OSBP2: variants seen among roughly 807,000 people sequenced by gnomAD.
OSBP2 encodes oxysterol-binding protein 2.
In OSBP2, 66 loss-of-function variants were observed where a neutral mutation model predicts 96.0. The observed-to-expected ratio is 0.69, with a 90% CI of 0.56 to 0.84. The LOEUF (loss-of-function observed/expected upper bound fraction) is 0.84, where lower values mean the gene tolerates loss of function less well. Among genes scored for constraint, OSBP2 ranks in the 40% least tolerant of loss-of-function variants. The probability of loss-of-function intolerance (pLI) is 0.00; values close to 1 mark genes in which losing one functional copy is unlikely to be tolerated. For missense variants in OSBP2, 1,038 were observed against 1,222.7 expected, an observed-to-expected ratio of 0.85 and a Z score of 2.25; for synonymous variants, 525 against 520.9, an observed-to-expected ratio of 1.01 and a Z score of -0.11.
intron 2 of OSBP2, among the ~76,000 whole-genome samples, chr22:30,868,153 G>T (rs2039384141): frequency 1.3e-5 from 2 of 152,250 alleles, no homozygotes; most frequent in Admixed American, 6.5e-5. Flanking sequence ...CTGGCACCCG[G>T]AAAGGTGTGG....
At chr22:30,724,777 G>A (rs545270527) in intron 1 of OSBP2, among the ~76,000 whole-genome samples, 1 of 152,274 alleles carries the variant, frequency 6.6e-6, no homozygotes, top group Non-Finnish European at 1.5e-5. Context: ...GCTTTAGCTT[G>A]TGAACTGTGC....
intron 2 of OSBP2, among the ~76,000 whole-genome samples, chr22:30,794,262 ATTT>A (rs136291): frequency 1.5e-5 from 2 of 134,890 alleles, no homozygotes. Context: ...TCCTCTATTC[ATTT>A]TTTTTTTTTT....
intron 12 of OSBP2, among the ~76,000 whole-genome samples, chr22:30,897,546 A>G (rs2040091976): frequency 6.6e-6 from 1 of 152,224 alleles, no homozygotes; most frequent in African/African-American, 2.4e-5. Context: ...ATGACCAAAA[A>G]ATCCCAAATA....
Position 30,890,164 on chromosome 22 carries a change from G to T in OSBP2, c.1623+528G>T, listed in dbSNP as rs1163540178. 6.6e-6 allele frequency among the ~76,000 whole-genome samples: 1 copy of T among 152,150 alleles called. No individual in the cohort carries two copies. The highest frequency in any genetic ancestry group is 1.5e-5 in the Non-Finnish European group (1 of 68,022). ...CTCTGTGTCCACATGTGTAGGGTGG[G>T]GAGAAACACAGCGTCCTCTTCAGTG... On this transcript the variant is annotated intron_variant, in intron 7 of 13. Transcript: ENST00000332585. The surrounding 1 kb of genome is among the most constrained non-coding windows in gnomAD (Gnocchi z 4.4).
Position 30,870,132 on chromosome 22 carries a change from T to G in OSBP2, c.854-297T>G, listed in dbSNP as rs1447095373. On this transcript the variant is annotated intron_variant, in intron 2 of 13. Coordinates refer to ENST00000332585, the MANE Select transcript of OSBP2 (RefSeq NM_030758.4). The surrounding 1 kb of genome is among the most constrained non-coding windows in gnomAD (Gnocchi z 4.1). The stretch of plus-strand genomic sequence containing the variant: ...AGGGAGCTGGCGCCCTGCATGCAGG[T>G]GGGTGCCTGTAGGCCTGCCGCCTCC... Among the ~76,000 whole-genome samples, 1 of 152,154 alleles carries G rather than the reference T, an allele frequency of 6.6e-6. No homozygotes were observed. The highest frequency in any genetic ancestry group is 1.5e-5 in the Non-Finnish European group (1 of 68,012).
intron 1 of OSBP2, among the ~76,000 whole-genome samples, chr22:30,698,212 T>A (rs1007957057): frequency 6.6e-6 from 1 of 152,086 alleles, no homozygotes; most frequent in African/African-American, 2.4e-5. Context: ...GACACCCAGC[T>A]CTCAGCAGGT....
At chr22:30,837,876 A>G (rs376618553) in intron 2 of OSBP2, among the ~76,000 whole-genome samples, 2 of 152,196 alleles carry the variant, frequency 1.3e-5, no homozygotes, top group South Asian at 2.1e-4. Flanking sequence ...AACCCTCTTT[A>G]GAATAATGTA....
intron 5 of OSBP2, 57 bp downstream of exon 5, chr22:30,888,397 G>A: frequency 9.6e-7 from 1 of 1,041,802 alleles, no homozygotes; most frequent in Non-Finnish European, 1.5e-6. Flanking sequence ...GCTGCATCTG[G>A]TCTTTTCACC....
intron 3 of OSBP2, among the ~76,000 whole-genome samples, chr22:30,886,987 C>A (rs2039824069): frequency 6.6e-6 from 1 of 151,984 alleles, no homozygotes; most frequent in Admixed American, 6.6e-5. Context: ...ATAGAGCAGC[C>A]CCCGGGGCTG....
chr22:30,896,679 GCTCTGTTAC>G (rs2040076097), intron 12 of OSBP2, among the ~76,000 whole-genome samples: 1 of 148,072 alleles, frequency 6.8e-6, no homozygotes, highest in Non-Finnish European at 1.5e-5. Flanking sequence ...ACAGAGTCTC[GCTCTGTTAC>G]CCAGGCTGGT....
Position 30,906,007 on chromosome 22 carries a change from G to A in OSBP2, c.2546G>A (p.Arg849His). 6.3e-7 allele frequency: 1 copy of A among 1,584,720 alleles called. No homozygotes were observed. The highest frequency in any genetic ancestry group is 8.6e-7 in the Non-Finnish European group (1 of 1,166,232). The change falls in exon 13 of 14, where the codon CGC becomes CAC. Residue 849 changes from arginine to histidine, a missense_variant. Transcript: ENST00000332585. ...TEKQRLEEKQ[R>H]LSRRRRLEAC... ...AAGCAGCGGCTGGAGGAGAAGCAGC[G>A]CCTGTCGCGGCGCCGGCGGCTGGAG...
At chr22:30,902,126 G>GAAAAAAAAAAAAAAAAAAAAA (rs35391426) in intron 12 of OSBP2, 2 of 115,902 alleles carry the variant, frequency 1.7e-5, no homozygotes, top group African/African-American at 7.2e-5. Flanking sequence ...AAAAAAAAAC[G>GAAAAAAAAAAAAAAAAAAAAA]AAAAAAAAAA....
At chr22:30,779,248 ATTTT>A (rs567486168) in intron 2 of OSBP2, among the ~76,000 whole-genome samples, 22,069 of 119,570 alleles carry the variant, frequency 0.18, 2,218 homozygotes, top group African/African-American at 0.3. Flanking sequence ...CACCCAGCTA[ATTTT>A]TTTTTTTTTT....
At chr22:30,843,454 C>A (rs368919568) in intron 2 of OSBP2, among the ~76,000 whole-genome samples, 3 of 103,964 alleles carry the variant, frequency 2.9e-5, no homozygotes, top group African/African-American at 4.5e-5. Context: ...TCCCCCCTCC[C>A]CCTTGAGCAA....
At position 30,720,283 on chromosome 22, in the gene OSBP2, A is replaced by G. The variant is rs539726788; in HGVS notation, c.645-20878A>G. Among the ~76,000 whole-genome samples, 3 of 152,280 alleles carry G rather than the reference A, an allele frequency of 2.0e-5. No homozygotes were observed. The East Asian group carries it at 5.8e-4, about 29-fold the overall frequency. ...TCATGAATTCACCTATGGGTGATTA[A>G]TTGGGGTGATCCTGAGTGGGCTCAG... On this transcript the variant is annotated intron_variant, in intron 1 of 13. Coordinates refer to ENST00000332585, the MANE Select transcript of OSBP2 (RefSeq NM_030758.4).
At chr22:30,755,628 C>T (rs1435224088) in intron 2 of OSBP2, among the ~76,000 whole-genome samples, 2 of 152,118 alleles carry the variant, frequency 1.3e-5, no homozygotes, top group African/African-American at 4.8e-5. Flanking sequence ...CATGTTGAGT[C>T]AACCAGGGCT....
chr22:30,887,622 A>G lies in OSBP2; in HGVS notation c.1300+4A>G. The G allele has an allele frequency of 3.2e-6, 5 of 1,587,060 alleles. No individual in the cohort carries two copies. Among genetic ancestry groups the G allele is most frequent in the Non-Finnish European group, 4.3e-6 (5 of 1,167,862 alleles). On this transcript the variant is annotated splice_donor_region_variant and intron_variant, in intron 4 of 13. Coordinates refer to ENST00000332585, the MANE Select transcript of OSBP2 (RefSeq NM_030758.4). Reference sequence around the variant, plus strand: ...CCCTCCAAGAGCTTCATTGAGGGTGAGTGGGCAGCCAGGGCAGGGCTGTCC... The same window carrying G: ...CCCTCCAAGAGCTTCATTGAGGGTGGGTGGGCAGCCAGGGCAGGGCTGTCC...
At chr22:30,888,786 A>G (rs1207936373) in intron 5 of OSBP2, among the ~76,000 whole-genome samples, 1 of 152,168 alleles carries the variant, frequency 6.6e-6, no homozygotes, top group Non-Finnish European at 1.5e-5. Context: ...TGTGAGCCTC[A>G]TAGAGTATAC....
At chr22:30,713,653 G>A (rs541832366) in intron 1 of OSBP2, among the ~76,000 whole-genome samples, 7 of 152,062 alleles carry the variant, frequency 4.6e-5, no homozygotes, top group African/African-American at 9.6e-5. Context: ...TTTAGATACA[G>A]GGTCTTGCTA....
Sources: gnomAD v4.1 joint callset for allele counts (sites outside exome capture counted in the v4.1 genomes callset) on GRCh38, gnomAD v4.1.1 for gene constraint, Gnocchi (gnomAD v3.1) non-coding constraint, MANE v1.5 for transcripts, NCBI Gene and HGNC (gene_info 2026-07-23, HGNC 2026-07-21) for gene names.